The following PLOD2 variants were observed in gnomAD, a reference collection of about 807,000 sequenced individuals.
PLOD2 encodes the protein procollagen-lysine,2-oxoglutarate 5-dioxygenase 2.
In PLOD2, 65 loss-of-function variants were observed where a neutral mutation model predicts 101.0. The ratio of observed to expected loss-of-function variants is 0.64; its 90% CI spans 0.53 to 0.79. The LOEUF (loss-of-function observed/expected upper bound fraction) is 0.79, where lower values mean the gene tolerates loss of function less well. Among genes scored for constraint, PLOD2 ranks in the 30% least tolerant of loss-of-function variants. The probability of loss-of-function intolerance (pLI) is 0.00; values close to 1 mark genes in which losing one functional copy is unlikely to be tolerated. For missense variants in PLOD2, 909 were observed against 914.6 expected (o/e 0.99, Z 0.08); for synonymous variants, 314 against 302.9 (o/e 1.04, Z -0.38).
intron 11 of PLOD2, among the ~76,000 whole-genome samples, chr3:146,083,960 T>A (rs1237024707): frequency 1.3e-5 from 2 of 151,916 alleles, no homozygotes; most frequent in Non-Finnish European, 2.9e-5. Context: ...GTAAATTCAT[T>A]AAATAGTTCA....
chr3:146,125,933 A>T (rs2030535474), intron 1 of PLOD2, among the ~76,000 whole-genome samples: 1 of 152,216 alleles, frequency 6.6e-6, no homozygotes, highest in South Asian at 2.1e-4. Flanking sequence ...TACTCTATTT[A>T]AAGTTACATT....
chr3:146,108,951 G>A (rs1937581185), intron 4 of PLOD2, among the ~76,000 whole-genome samples: 1 of 152,182 alleles, frequency 6.6e-6, no homozygotes, highest in African/African-American at 2.4e-5. Context: ...TGCAAGATTA[G>A]CCATATATTA....
At chr3:146,088,420 C>G (rs895493471) in intron 9 of PLOD2, among the ~76,000 whole-genome samples, 166 bp downstream of exon 9, 2 of 151,548 alleles carry the variant, frequency 1.3e-5, no homozygotes, top group African/African-American at 4.8e-5. Context: ...TGGTGCTAGT[C>G]TCTAGAATCT....
chr3:146,070,978 C>G, intron 19 of PLOD2, 64 bp downstream of exon 19: 1 of 1,530,354 alleles, frequency 6.5e-7, no homozygotes. Context: ...AGGCCTAAGG[C>G]AAAGTCCTTT....
chr3:146,128,554 A>C (rs2030719129), intron 1 of PLOD2, among the ~76,000 whole-genome samples: 1 of 152,164 alleles, frequency 6.6e-6, no homozygotes, highest in Non-Finnish European at 1.5e-5. Flanking sequence ...AGTAAGATTT[A>C]ATAAATATTT....
chr3:146,159,493 A>G (rs1185812583), intron 1 of PLOD2, among the ~76,000 whole-genome samples: 1 of 152,214 alleles, frequency 6.6e-6, no homozygotes, highest in Non-Finnish European at 1.5e-5. Context: ...AGGTTATTTT[A>G]TTTCCCAGTT....
chr3:146,158,995 A>G (rs887486238), intron 1 of PLOD2, among the ~76,000 whole-genome samples: 1 of 152,232 alleles, frequency 6.6e-6, no homozygotes, highest in African/African-American at 2.4e-5. Context: ...AAACTTGTAA[A>G]GAATAAAATA....
At chr3:146,121,304 A>T in intron 2 of PLOD2, 56 bp from the exon 3 acceptor site, 1 of 1,477,226 alleles carries the variant, frequency 6.8e-7, no homozygotes, top group Non-Finnish European at 9.5e-7. Flanking sequence ...TGAAAGTACT[A>T]TGAAAAACTT....
intron 6 of PLOD2, 102 bp downstream of exon 6, chr3:146,104,177 G>T: frequency 2.6e-6 from 2 of 780,842 alleles, no homozygotes; most frequent in South Asian, 2.8e-5. Context: ...TTACACTGTC[G>T]ACCTTAGTCA....
intron 3 of PLOD2, among the ~76,000 whole-genome samples, chr3:146,119,660 T>G (rs536838538): frequency 4.6e-5 from 7 of 152,180 alleles, no homozygotes; most frequent in African/African-American, 1.7e-4. Flanking sequence ...ATCTCATTGT[T>G]CAATTCCCAC....
At chr3:146,159,821 A>C (rs2032483899) in intron 1 of PLOD2, among the ~76,000 whole-genome samples, 1 of 152,242 alleles carries the variant, frequency 6.6e-6, no homozygotes, top group Non-Finnish European at 1.5e-5. Context: ...TTTTGTAGAA[A>C]GATAGGCAGT....
intron 1 of PLOD2, 44 bp downstream of exon 1, chr3:146,160,837 C>G (rs1476026491): frequency 7.8e-7 from 1 of 1,286,360 alleles, no homozygotes; most frequent in East Asian, 2.5e-5. Flanking sequence ...TGCCCCCCCG[C>G]CGGCCGAGCC....
At chr3:146,159,662 A>C (rs909026715) in intron 1 of PLOD2, among the ~76,000 whole-genome samples, 2 of 152,210 alleles carry the variant, frequency 1.3e-5, no homozygotes, top group African/African-American at 4.8e-5. Flanking sequence ...TAAATTATGC[A>C]AAAGTTTAGT....
chr3:146,104,404 A>G, intron 5 of PLOD2, 62 bp from the exon 6 acceptor site: 1 of 839,502 alleles, frequency 1.2e-6, no homozygotes, highest in Middle Eastern at 2.4e-4. Context: ...CATTCCTATC[A>G]TATTAATATA....
chr3:146,075,895 A>T (rs952104453), intron 15 of PLOD2: 3 of 151,798 alleles, frequency 2.0e-5, no homozygotes, highest in Non-Finnish European at 4.4e-5. Flanking sequence ...ATCATGAAAT[A>T]CAATTAATTA....
At chr3:146,072,490 C>T (rs181264004) in intron 17 of PLOD2, 71 bp downstream of exon 17, 1 of 938,302 alleles carries the variant, frequency 1.1e-6, no homozygotes, top group Admixed American at 1.7e-5. Context: ...GTATATAACC[C>T]CTCCGAATTC....
intron 1 of PLOD2, among the ~76,000 whole-genome samples, chr3:146,126,714 A>G (rs562146586): frequency 6.6e-6 from 1 of 152,296 alleles, no homozygotes; most frequent in South Asian, 2.1e-4. Flanking sequence ...GATTTGTAAA[A>G]GCTATAAAAA....
intron 1 of PLOD2, among the ~76,000 whole-genome samples, chr3:146,156,958 G>A (rs1439070573): frequency 6.6e-6 from 1 of 152,202 alleles, no homozygotes; most frequent in Admixed American, 6.5e-5. Context: ...AAGTAATAGT[G>A]AAGGTGCCAC....
chr3:146,104,603 T>A (rs935492423), intron 5 of PLOD2, among the ~76,000 whole-genome samples: 1 of 152,200 alleles, frequency 6.6e-6, no homozygotes. Flanking sequence ...AACTTTTATA[T>A]CTGTATCCAA....
Sources: allele counts gnomAD v4.1 joint callset (sites outside exome capture counted in the v4.1 genomes callset), GRCh38; gene constraint gnomAD v4.1.1; transcripts MANE v1.5; gene names NCBI Gene and HGNC (gene_info 2026-07-23, HGNC 2026-07-21).